The following AOPEP variants were observed in gnomAD, a reference collection of about 807,000 sequenced individuals.
AOPEP encodes aminopeptidase O (putative).
In AOPEP, 77 loss-of-function variants were observed where a neutral mutation model predicts 98.1. The observed-to-expected ratio is 0.78, with a 90% confidence interval of 0.65 to 0.95. AOPEP has a LOEUF of 0.95. AOPEP is among the 40% of genes least tolerant of loss of function. The pLI is 0.00. For synonymous variants in AOPEP, 346 were observed against 365.3 expected (o/e 0.95, Z 0.60); for missense variants, 1,024 against 1,024.7 (o/e 1.00, Z 0.01).
Position 94,955,242 on chromosome 9 carries a change from A to T in AOPEP, c.1727A>T (p.Asn576Ile). Residue 576 changes from asparagine to isoleucine, a missense_variant, in exon 8 of 17, where the codon AAT becomes ATT. By Grantham distance (149) the Asn-to-Ile change is moderately radical. This residue lies in a region of AOPEP where 566 missense variants were observed against 551.7 expected (regional missense o/e 1.03). Transcript: ENST00000375315. ...SGASVIKHGL[N>I]PEKIFMQVHY... ...GCATCTGTTATCAAGCATGGACTTA[A>T]TCCGGAGAAGATCTTCATGCAGGTG... The T allele has an allele frequency of 6.2e-7, 1 of 1,613,742 alleles. No homozygotes were observed. The highest frequency in any genetic ancestry group is 8.5e-7 in the Non-Finnish European group (1 of 1,179,898).
At chr9:94,947,462 C>T (rs984956745) in intron 7 of AOPEP, among the ~76,000 whole-genome samples, 1 of 152,106 alleles carries the variant, frequency 6.6e-6, no homozygotes, top group East Asian at 1.9e-4. Flanking sequence ...AGGCTGGTCT[C>T]GAGCTCCTGG....
chr9:94,895,359 C>CACT (rs2049389802), intron 5 of AOPEP, among the ~76,000 whole-genome samples: 1 of 148,172 alleles, frequency 6.7e-6, no homozygotes, highest in Non-Finnish European at 1.5e-5. Flanking sequence ...GTGGTCATGC[C>CACT]ACTGCACTCC....
the AOPEP span, among the ~76,000 whole-genome samples, chr9:95,093,148 A>C: frequency 3.7e-3 from 561 of 151,528 alleles, 2 homozygotes; most frequent in African/African-American, 0.013. Context: ...TTACTAAGTT[A>C]AAAGCGTGGA....
At chr9:94,815,915 T>C (rs1365055762) in intron 5 of AOPEP, among the ~76,000 whole-genome samples, 1 of 152,162 alleles carries the variant, frequency 6.6e-6, no homozygotes, top group Non-Finnish European at 1.5e-5. Context: ...TTAATAGGTA[T>C]TTGGGGTCTC....
At chr9:94,766,880 G>T (rs1839752906) in intron 2 of AOPEP, among the ~76,000 whole-genome samples, 1 of 152,136 alleles carries the variant, frequency 6.6e-6, no homozygotes, top group Non-Finnish European at 1.5e-5. Flanking sequence ...ATCCTAAGGA[G>T]AACTACTTTT....
intron 5 of AOPEP, among the ~76,000 whole-genome samples, chr9:94,803,237 TC>T (rs1848563431): frequency 6.6e-6 from 1 of 152,184 alleles, no homozygotes; most frequent in South Asian, 2.1e-4. Context: ...AATGGCTCTT[TC>T]CCGAGTCCAT....
intron 1 of AOPEP, among the ~76,000 whole-genome samples, chr9:94,747,616 A>G (rs1834816064): frequency 6.6e-6 from 1 of 152,240 alleles, no homozygotes; most frequent in African/African-American, 2.4e-5. Flanking sequence ...CCTAAACTCA[A>G]AGATTAAAAT....
chr9:95,020,409 G>A (rs981210007), intron 13 of AOPEP, among the ~76,000 whole-genome samples: 1 of 152,166 alleles, frequency 6.6e-6, no homozygotes, highest in Non-Finnish European at 1.5e-5. Context: ...TTCCATTTGG[G>A]CTAGAAGTAA....
Position 94,793,467 on chromosome 9 carries a change from C to T in AOPEP, c.1118+549C>T, listed in dbSNP as rs1846211164. Among the ~76,000 whole-genome samples the T allele has an allele frequency of 2.0e-5, 3 of 151,868 alleles. 1 individual carries two copies. The South Asian group carries it at 6.2e-4, about 32-fold the overall frequency. On this transcript the variant is annotated intron_variant, in intron 4 of 16. Coordinates refer to ENST00000375315, the MANE Select transcript of AOPEP (RefSeq NM_001193329.3). ...GGCTGAGGCGGGTCGATCACGAGGTCAGGAGTTGAGGCCAGCCTGGCCAAC... is the reference window on the plus strand; with the variant it reads ...GGCTGAGGCGGGTCGATCACGAGGTTAGGAGTTGAGGCCAGCCTGGCCAAC...
intron 5 of AOPEP, among the ~76,000 whole-genome samples, chr9:94,805,060 G>GC (rs1411718363): frequency 1.3e-5 from 2 of 152,186 alleles, no homozygotes; most frequent in African/African-American, 4.8e-5. Context: ...GCTTTCCTTA[G>GC]CCCCGTTCTT....
chr9:95,005,717 GT>G, intron 13 of AOPEP, 101 bp downstream of exon 13: 6 of 921,858 alleles, frequency 6.5e-6, no homozygotes, highest in Non-Finnish European at 8.7e-6. Flanking sequence ...AATTTAAAAA[GT>G]TTTTGTTATA....
chr9:94,971,652 G>A (rs142722444), intron 10 of AOPEP, among the ~76,000 whole-genome samples: 8 of 152,216 alleles, frequency 5.3e-5, no homozygotes, highest in Admixed American at 2.6e-4. Flanking sequence ...TTCAGGGGCC[G>A]GCACTCTCTA....
At chr9:94,801,689 T>G (rs1199184356) in intron 5 of AOPEP, among the ~76,000 whole-genome samples, 1 of 152,262 alleles carries the variant, frequency 6.6e-6, no homozygotes, top group African/African-American at 2.4e-5. Flanking sequence ...CAGTCATTAA[T>G]GGGTATCTGT....
chr9:95,095,895 G>A, the AOPEP span, among the ~76,000 whole-genome samples: 2 of 152,246 alleles, frequency 1.3e-5, no homozygotes, highest in African/African-American at 4.8e-5. Context: ...GTGACCATCT[G>A]CAAACCACTG....
In AOPEP at chr9:94,914,644, C is replaced by A. The variant is rs75106909; in HGVS notation, c.1365-9342C>A. ...ATCTTTCAAATTTTTAATGTAATGT[C>A]AAAATCTGGATTTCTGGATAAAATC... On this transcript the variant is annotated intron_variant, in intron 5 of 16. Transcript: ENST00000375315. 7.2e-5 allele frequency among the ~76,000 whole-genome samples: 11 copies of A among 151,808 alleles called. No individual in the cohort carries two copies. The East Asian group carries it at 1.9e-3, about 27-fold the overall frequency.
intron 5 of AOPEP, among the ~76,000 whole-genome samples, chr9:94,869,264 C>T (rs1408626467): frequency 6.6e-6 from 1 of 152,088 alleles, no homozygotes; most frequent in Non-Finnish European, 1.5e-5. Context: ...AAAATAAAGA[C>T]ATTTGCTGTA....
intron 11 of AOPEP, among the ~76,000 whole-genome samples, chr9:94,993,975 G>A (rs921408890): frequency 3.3e-5 from 5 of 152,116 alleles, no homozygotes; most frequent in South Asian, 2.1e-4. Flanking sequence ...GTCAGGCAGC[G>A]TCTCTTGCCT....
intron 5 of AOPEP, among the ~76,000 whole-genome samples, chr9:94,852,114 C>T (rs1018755863): frequency 9.2e-5 from 14 of 152,210 alleles, no homozygotes; most frequent in Non-Finnish European, 2.1e-4. Context: ...ATAATTTGAG[C>T]GGCTGCTATG....
chr9:94,798,855 G>T (rs1444624792), intron 4 of AOPEP, among the ~76,000 whole-genome samples: 1 of 152,178 alleles, frequency 6.6e-6, no homozygotes, highest in Non-Finnish European at 1.5e-5. Flanking sequence ...CTTGTCATTA[G>T]GTGGGCATTG....
Sources: allele counts gnomAD v4.1 joint callset (sites outside exome capture counted in the v4.1 genomes callset), GRCh38; gene constraint gnomAD v4.1.1; regional missense constraint gnomAD v4.1.1; transcripts MANE v1.5; gene names NCBI Gene and HGNC (gene_info 2026-07-23, HGNC 2026-07-21).